The following LTBP4 variants were observed in gnomAD, a reference collection of about 807,000 sequenced individuals.
LTBP4 encodes latent transforming growth factor beta binding protein 4, also known as latent-transforming growth factor beta-binding protein 4.
Under a neutral mutation model 180.2 loss-of-function variants are expected in LTBP4, and 93 were observed. The ratio of observed to expected loss-of-function variants is 0.52; its 90% CI spans 0.44 to 0.61. The LOEUF (loss-of-function observed/expected upper bound fraction) is 0.61. Ranked by LOEUF, LTBP4 falls within the 20% of genes least tolerant of loss-of-function variation. The pLI is 0.00. For synonymous variants in LTBP4, 947 were observed against 934.5 expected (o/e 1.01, Z -0.24); for missense variants, 2,116 against 2,256.5 (o/e 0.94, Z 1.26).
chr19:40,610,766 CAG>C, intron 12 of LTBP4, 109 bp downstream of exon 12: 1 of 1,439,582 alleles, frequency 6.9e-7, no homozygotes, highest in Non-Finnish European at 9.2e-7. Context: ...GATTTGGAGA[CAG>C]AGGCCAGGCT....
rs774873383 is a variant in LTBP4 at position 40,605,396 on chromosome 19, C to G, written c.443-9C>G. On this transcript the variant is annotated splice_polypyrimidine_tract_variant and intron_variant, in intron 2 of 29. Transcript: ENST00000396819. This position sits in a 1 kb window ranked among gnomAD's most constrained non-coding sequence, Gnocchi z 5.5. ...TAGACATCCGTTTGCCCGGCCGTGC[C>G]TCCCCTAGGCGTGGCATCTATGGTG... is the stretch of plus-strand genomic sequence containing the variant. 1 of 1,612,754 alleles carries G rather than the reference C, an allele frequency of 6.2e-7. No homozygotes were observed. The highest frequency in any genetic ancestry group is 8.5e-7 in the Non-Finnish European group (1 of 1,179,768).
rs761172199 is a variant in LTBP4 at position 40,613,395 on chromosome 19, G to C, written c.2432-9G>C. 6.9e-6 allele frequency: 11 copies of C among 1,604,510 alleles called. No individual in the cohort carries two copies. The South Asian group carries it at 1.1e-4, about 16-fold the overall frequency. On this transcript the variant is annotated splice_polypyrimidine_tract_variant and intron_variant, in intron 16 of 29. Coordinates refer to ENST00000396819, the MANE Select transcript of LTBP4 (RefSeq NM_001042545.2). The surrounding 1 kb of genome is among the most constrained non-coding windows in gnomAD (Gnocchi z 5.0). ...CCCGTGACTCCGCCCAATCTCCCGCGTACCCTAGACGTGAACGAGTGCCTG... is the reference window on the plus strand; with the variant it reads ...CCCGTGACTCCGCCCAATCTCCCGCCTACCCTAGACGTGAACGAGTGCCTG...
intron 26 of LTBP4, among the ~76,000 whole-genome samples, chr19:40,625,306 ATATATATATATTTT>A (rs2081624295): frequency 6.1e-5 from 1 of 16,478 alleles, no homozygotes; most frequent in Non-Finnish European, 9.8e-5. Flanking sequence ...ATATATATAT[ATATATATATATTTT>A]TTTTTTTAAA....
intron 26 of LTBP4, among the ~76,000 whole-genome samples, chr19:40,625,548 G>A (rs1454602268): frequency 2.6e-5 from 4 of 151,800 alleles, no homozygotes; most frequent in Non-Finnish European, 5.9e-5. Flanking sequence ...ACAATGCTCA[G>A]AGAAGCAAAG....
intron 26 of LTBP4, 83 bp downstream of exon 26, chr19:40,624,165 A>T: frequency 7.0e-7 from 1 of 1,425,252 alleles, no homozygotes; most frequent in South Asian, 1.4e-5. Flanking sequence ...TGCGACGGCC[A>T]CGCCCTCCGA....
In LTBP4 at chr19:40,629,559, A is replaced by C. The variant is rs1175124827; in HGVS notation, c.*9A>C. 21 of 1,398,454 alleles carry C rather than the reference A, an allele frequency of 1.5e-5. No homozygotes were observed. The Middle Eastern group carries it at 4.5e-3, about 302-fold the overall frequency. 86.6% of individuals were successfully genotyped at this position (1,398,454 alleles called of 1,614,324 possible). On this transcript the variant is annotated 3_prime_UTR_variant, in exon 30 of 30. Transcript: ENST00000396819. The surrounding 1 kb of genome is among the most constrained non-coding windows in gnomAD (Gnocchi z 4.5). ...CACGGCCCCGGGCCTGAGCCCTGGC[A>C]CCCGCTGGCCGCCCACCCGCGCCCG...
At chr19:40,604,956 G>C in intron 1 of LTBP4, 79 bp from the exon 2 acceptor site, 1 of 1,317,318 alleles carries the variant, frequency 7.6e-7, no homozygotes, top group Non-Finnish European at 1.1e-6. Context: ...AGAAATGAAT[G>C]ATACCTTGAG....
chr19:40,613,183 C>G lies in LTBP4; in HGVS notation c.2418C>G (p.Pro806=). Residue 806 remains proline (P), a synonymous_variant, in exon 16 of 30, where the codon CCC becomes CCG. Coordinates refer to ENST00000396819, the MANE Select transcript of LTBP4 (RefSeq NM_001042545.2). The surrounding 1 kb of genome is among the most constrained non-coding windows in gnomAD (Gnocchi z 5.0). ...APGYRAPSGR[P]GPCADVNECL... ...GCTACCGGGCGCCGTCGGGTCGGCCCGGGCCCTGCGCAGGTGAGCAGCATA... is the reference window on the plus strand; with the variant it reads ...GCTACCGGGCGCCGTCGGGTCGGCCGGGGCCCTGCGCAGGTGAGCAGCATA... 1 of 1,569,610 alleles carries G rather than the reference C, an allele frequency of 6.4e-7. No individual in the cohort carries two copies.
chr19:40,601,955 G>T (rs1293627546), intron 1 of LTBP4, among the ~76,000 whole-genome samples: 2 of 151,908 alleles, frequency 1.3e-5, no homozygotes, highest in Admixed American at 1.3e-4. Context: ...TGGGAGGGGG[G>T]CTCGAATTCT....
chr19:40,616,149 C>G (rs1273207887), intron 19 of LTBP4, among the ~76,000 whole-genome samples: 2 of 152,014 alleles, frequency 1.3e-5, no homozygotes, highest in African/African-American at 4.8e-5. Context: ...ATCAACTATG[C>G]TAGGTGTGGT....
chr19:40,616,955 G>A lies in LTBP4; in HGVS notation c.2879G>A (p.Gly960Asp), dbSNP rs1286566685. 3.7e-6 allele frequency: 6 copies of A among 1,614,012 alleles called. No individual in the cohort carries two copies. The highest frequency in any genetic ancestry group is 5.1e-6 in the Non-Finnish European group (6 of 1,179,890). ...CGAQRCENTP[G>D]SYRCTPACDP... is the part of the protein sequence containing the mutation. ...GCCCAGCGTTGTGAGAACACCCCTG[G>A]CTCCTACCGCTGCACACCAGCCTGT... is the stretch of plus-strand genomic sequence containing the variant. The change falls in exon 20 of 30, where the codon GGC becomes GAC. Residue 960 changes from glycine (G) to aspartate (D), a missense_variant. Gly to Asp is a moderately conservative substitution (Grantham distance 94). Transcript: ENST00000396819.
chr19:40,600,351 C>T (rs1054243926), upstream of LTBP4, among the ~76,000 whole-genome samples: 1 of 152,164 alleles, frequency 6.6e-6, no homozygotes, highest in Non-Finnish European at 1.5e-5. This position sits in a 1 kb window ranked among gnomAD's most constrained non-coding sequence, Gnocchi z 4.4. Context: ...GAGGTGAGCC[C>T]GGGACAGGAC....
At chr19:40,625,464 T>G (rs2081627232) in intron 26 of LTBP4, among the ~76,000 whole-genome samples, 1 of 151,278 alleles carries the variant, frequency 6.6e-6, no homozygotes, top group Non-Finnish European at 1.5e-5. Flanking sequence ...ACCTCTCTTT[T>G]TGCCCACTGT....
intron 1 of LTBP4, chr19:40,593,188 G>T (rs771140409): frequency 1.2e-6 from 2 of 1,613,856 alleles, no homozygotes; most frequent in Non-Finnish European, 1.7e-6. Flanking sequence ...AAAGGTGAGT[G>T]CCTCTGAAAC....
In LTBP4 at chr19:40,629,518, C is replaced by CG. The variant is rs2081662661; in HGVS notation, c.4642_4643insG (p.His1548ArgfsTer95). 6.3e-7 allele frequency: 1 copy of CG among 1,587,712 alleles called. No homozygotes were observed. Among genetic ancestry groups the CG allele is most frequent in the African/African-American group, 1.4e-5 (1 of 73,728 alleles). ...GGGATTCGCACCCACGCACCAGCCG[C>CG]ACCACTGTGCGCCCGCACGGCCCCG... On this transcript the variant is annotated frameshift_variant, in exon 30 of 30. Coordinates refer to ENST00000396819, the MANE Select transcript of LTBP4 (RefSeq NM_001042545.2). LOFTEE classifies it high-confidence loss of function. The surrounding 1 kb of genome is among the most constrained non-coding windows in gnomAD (Gnocchi z 4.5).
intron 24 of LTBP4, 32 bp from the exon 25 acceptor site, chr19:40,623,572 C>A: frequency 6.2e-7 from 1 of 1,601,078 alleles, no homozygotes; most frequent in Non-Finnish European, 8.5e-7. Context: ...CCATCCAGCC[C>A]GCCCCCATCT....
In LTBP4 at chr19:40,624,178, GCCACGCCCCATGCTCCTGGCTCGA is replaced by G. The variant is rs1341842660; in HGVS notation, c.3832+107_3832+130del. ...TTTGCGACGGCCACGCCCTCCGAAG[GCCACGCCCCATGCTCCTGGCTCGA>G]CCACGCCCCACTGAGCCCTCACTCA... On this transcript the variant is annotated intron_variant, in intron 26 of 29. Transcript: ENST00000396819. 1.1e-5 allele frequency: 15 copies of G among 1,380,104 alleles called. No homozygotes were observed. In the African/African-American group the frequency reaches 1.2e-4, roughly 11 times the overall value. The allele number at this position is 1,380,104 out of a possible 1,614,324, so 85.5% of individuals were successfully genotyped here. A position where few individuals can be genotyped will look rare whatever the true frequency, so the allele number is the denominator to read the frequency against.
chr19:40,618,997 G>A (rs2081568180), intron 21 of LTBP4, among the ~76,000 whole-genome samples: 1 of 151,850 alleles, frequency 6.6e-6, no homozygotes, highest in African/African-American at 2.4e-5. Flanking sequence ...TAAAAAGGGA[G>A]GTTTTTTTTT....
At chr19:40,619,754 T>C (rs1433138328) in intron 22 of LTBP4, among the ~76,000 whole-genome samples, 2 of 152,118 alleles carry the variant, frequency 1.3e-5, no homozygotes, top group Non-Finnish European at 2.9e-5. Flanking sequence ...ACTGAGAACA[T>C]AGTAGTGACC....
Sources: gnomAD v4.1 joint callset for allele counts (sites outside exome capture counted in the v4.1 genomes callset) on GRCh38, gnomAD v4.1.1 for gene constraint, Gnocchi (gnomAD v3.1) non-coding constraint, MANE v1.5 for transcripts, NCBI Gene and HGNC (gene_info 2026-07-23, HGNC 2026-07-21) for gene names.